Variants in PDGFB observed in about 807,000 individuals in gnomAD.
PDGFB encodes platelet-derived growth factor subunit B.
PDGFB carries 6 observed loss-of-function variants against 29.0 expected under a neutral mutation model. The ratio of observed to expected loss-of-function variants is 0.21; its 90% CI spans 0.11 to 0.41. The LOEUF (loss-of-function observed/expected upper bound fraction) is 0.41. PDGFB is among the 10% of genes least tolerant of loss of function. The pLI is 1.00. For synonymous variants in PDGFB, 144 were observed against 140.8 expected (o/e 1.02, Z -0.16); for missense variants, 299 against 341.8 (o/e 0.87, Z 0.99).
Position 39,244,805 on chromosome 22 carries a change from T to G in PDGFB, c.-842A>C, listed in dbSNP as rs1017955067. ...GCAGCGAGGCTGGAGGGTGGGCTTT[T>G]TTTTTTTTTTTTCCTTTTTGCGCGC... On this transcript the variant is annotated 5_prime_UTR_variant, in exon 1 of 7. Coordinates refer to ENST00000331163, the MANE Select transcript of PDGFB (RefSeq NM_002608.4). The surrounding 1 kb of genome is among the most constrained non-coding windows in gnomAD (Gnocchi z 4.5). 81 of 188,406 alleles carry G rather than the reference T, an allele frequency of 4.3e-4. No homozygotes were observed. The highest frequency in any genetic ancestry group is 1.8e-3 in the African/African-American group (75 of 42,536). The allele number at this position is 188,406 out of a possible 1,614,324, so 11.7% of individuals were successfully genotyped here.
Position 39,231,038 on chromosome 22 carries a change from A to T in PDGFB, c.456+584T>A, listed in dbSNP as rs1002730788. ...TGTATCCCCCGTCCCTCCGAAGAAA[A>T]GCAGGATCAGCATTCCACTGTTGTC... On this transcript the variant is annotated intron_variant, in intron 4 of 6. Transcript: ENST00000331163. The surrounding 1 kb of genome is among the most constrained non-coding windows in gnomAD (Gnocchi z 4.3). Among the ~76,000 whole-genome samples, 1 of 152,212 alleles carries T rather than the reference A, an allele frequency of 6.6e-6. No homozygotes were observed. Among genetic ancestry groups the T allele is most frequent in the African/African-American group, 2.4e-5 (1 of 41,456 alleles).
Position 39,242,503 on chromosome 22 carries a change from A to T in PDGFB, c.63+1398T>A, listed in dbSNP as rs938849865. 6.7e-6 allele frequency among the ~76,000 whole-genome samples: 1 copy of T among 149,362 alleles called. No individual in the cohort carries two copies. The highest frequency in any genetic ancestry group is 1.5e-5 in the Non-Finnish European group (1 of 67,138). On this transcript the variant is annotated intron_variant, in intron 1 of 6. Transcript: ENST00000331163. This position sits in a 1 kb window ranked among gnomAD's most constrained non-coding sequence, Gnocchi z 5.7. ...GGAGAGGCGGAGAGGGGGCGTCGGGAGGGGCCTGAAGGCGGCCCGGCCGAG... is the reference window on the plus strand; with the variant it reads ...GGAGAGGCGGAGAGGGGGCGTCGGGTGGGGCCTGAAGGCGGCCCGGCCGAG...
Position 39,242,790 on chromosome 22 carries a change from C to G in PDGFB, c.63+1111G>C, listed in dbSNP as rs1420357901. On this transcript the variant is annotated intron_variant, in intron 1 of 6. Transcript: ENST00000331163. This position sits in a 1 kb window ranked among gnomAD's most constrained non-coding sequence, Gnocchi z 5.7. The stretch of plus-strand genomic sequence containing the variant: ...GCAGGGGCCGACCCTCCCCGGGAGC[C>G]GGCGAGGTGCGGGCGAGGTGCGGAC... The G allele has an allele frequency of 4.3e-6, 1 of 230,908 alleles. No individual in the cohort carries two copies. The highest frequency in any genetic ancestry group is 1.8e-4 in the South Asian group (1 of 5,500). The allele number at this position is 230,908 out of a possible 1,614,324, so 14.3% of individuals were successfully genotyped here. A position where few individuals can be genotyped will look rare whatever the true frequency, so the allele number is the denominator to read the frequency against.
At chr22:39,234,555 G>A (rs755006108) in intron 2 of PDGFB, among the ~76,000 whole-genome samples, 5 of 152,196 alleles carry the variant, frequency 3.3e-5, no homozygotes, top group African/African-American at 7.2e-5. Context: ...CCGCCTGTCC[G>A]TCCCGGGTAC....
In PDGFB at chr22:39,231,564, A is replaced by C; in HGVS notation, c.456+58T>G. ...AAGCCTGGTCAGGTATGAGCCCCAG[A>C]AGGGTGGTCTCCACCCACCACCGGG... On this transcript the variant is annotated intron_variant, in intron 4 of 6. Coordinates refer to ENST00000331163, the MANE Select transcript of PDGFB (RefSeq NM_002608.4). This position sits in a 1 kb window ranked among gnomAD's most constrained non-coding sequence, Gnocchi z 4.3. 7.9e-7 allele frequency: 1 copy of C among 1,270,464 alleles called. No homozygotes were observed. The highest frequency in any genetic ancestry group is 1.1e-6 in the Non-Finnish European group (1 of 921,694). 78.7% of individuals were successfully genotyped at this position (1,270,464 alleles called of 1,614,324 possible). A position where few individuals can be genotyped will look rare whatever the true frequency, so the allele number is the denominator to read the frequency against.
chr22:39,243,298 CT>C lies in PDGFB; in HGVS notation c.63+602del, dbSNP rs1932617140. Among the ~76,000 whole-genome samples the C allele has an allele frequency of 6.6e-6, 1 of 151,810 alleles. No individual in the cohort carries two copies. Among genetic ancestry groups the C allele is most frequent in the African/African-American group, 2.4e-5 (1 of 41,196 alleles). The stretch of plus-strand genomic sequence containing the variant: ...TTTCTCTCTCTCTCTCTCTCTCTCC[CT>C]GTTACTCCCACCCCAAACCCCGCGC... On this transcript the variant is annotated intron_variant, in intron 1 of 6. Coordinates refer to ENST00000331163, the MANE Select transcript of PDGFB (RefSeq NM_002608.4). This position sits in a 1 kb window ranked among gnomAD's most constrained non-coding sequence, Gnocchi z 6.4.
intron 5 of PDGFB, 100 bp downstream of exon 5, chr22:39,229,984 C>T (rs191717964): frequency 1.1e-4 from 145 of 1,348,880 alleles, no homozygotes; most frequent in Middle Eastern, 2.6e-4. Flanking sequence ...TGAATTTAAC[C>T]GGGGGCGGGC....
intron 5 of PDGFB, among the ~76,000 whole-genome samples, chr22:39,229,489 C>G (rs1161001631): frequency 6.6e-6 from 1 of 152,184 alleles, no homozygotes; most frequent in African/African-American, 2.4e-5. Context: ...TCCTGGTTCC[C>G]CCGCTCAAGG....
chr22:39,234,812 G>A (rs1483787658), intron 2 of PDGFB, among the ~76,000 whole-genome samples: 2 of 152,244 alleles, frequency 1.3e-5, no homozygotes, highest in East Asian at 3.8e-4. Flanking sequence ...CCCCACCAGG[G>A]GTGTGGAGGG....
At chr22:39,232,365 T>C (rs1569136324) in intron 3 of PDGFB, among the ~76,000 whole-genome samples, 1 of 152,138 alleles carries the variant, frequency 6.6e-6, no homozygotes, top group Non-Finnish European at 1.5e-5. Context: ...GTAAAGTGAG[T>C]AAGCCTTGCC....
intron 6 of PDGFB, among the ~76,000 whole-genome samples, 168 bp from the exon 7 acceptor site, chr22:39,225,481 A>G (rs1333877471): frequency 6.6e-6 from 1 of 151,954 alleles, no homozygotes; most frequent in Admixed American, 6.5e-5. Context: ...ATTGAGATTT[A>G]GACCTCCCAT....
chr22:39,237,437 G>A (rs1343867275), intron 1 of PDGFB, among the ~76,000 whole-genome samples: 1 of 152,174 alleles, frequency 6.6e-6, no homozygotes, highest in African/African-American at 2.4e-5. Context: ...AAGGTGGCAG[G>A]GCTTGGCTGA....
In PDGFB at chr22:39,231,807, G is replaced by C; in HGVS notation, c.271C>G (p.Pro91Ala). ...RSLGSLTIAE[P>A]AMIAECKTRT... ...GTCTTGCACTCGGCGATCATGGCCG[G>C]CTCAGCAATGGTCAGGGAACCTGGG... The change falls in exon 4 of 7, where the codon CCG (proline) becomes GCG (alanine). Residue 91 changes from proline (P) to alanine (A), a missense_variant. Pro to Ala is a conservative substitution (Grantham distance 27). Transcript: ENST00000331163. This position sits in a 1 kb window ranked among gnomAD's most constrained non-coding sequence, Gnocchi z 4.3. 1 of 1,613,236 alleles carries C rather than the reference G, an allele frequency of 6.2e-7. No homozygotes were observed. The highest frequency in any genetic ancestry group is 8.5e-7 in the Non-Finnish European group (1 of 1,179,892).
chr22:39,237,119 GGAGGGGGAGC>G (rs1932464030), intron 1 of PDGFB, among the ~76,000 whole-genome samples: 1 of 152,098 alleles, frequency 6.6e-6, no homozygotes, highest in South Asian at 2.1e-4. Flanking sequence ...GCCTGACGGC[GGAGGGGGAGC>G]GAGGGAGAGG....
chr22:39,237,414 A>G (rs1290918954), intron 1 of PDGFB, among the ~76,000 whole-genome samples: 1 of 152,162 alleles, frequency 6.6e-6, no homozygotes, highest in Admixed American at 6.5e-5. Flanking sequence ...CTGCTGGGCA[A>G]CTTGAGGAAA....
At chr22:39,235,741 T>G (rs767275965) in intron 2 of PDGFB, 37 bp downstream of exon 2, 1 of 1,480,798 alleles carries the variant, frequency 6.8e-7, no homozygotes, top group Non-Finnish European at 9.4e-7. Flanking sequence ...TAAAGTCTCC[T>G]CGGAGGGCCG....
In PDGFB at chr22:39,225,721, C is replaced by T; in HGVS notation, c.*2G>A. 6.2e-7 allele frequency: 1 copy of T among 1,613,562 alleles called. No homozygotes were observed. On this transcript the variant is annotated 3_prime_UTR_variant, in exon 6 of 7. Coordinates refer to ENST00000331163, the MANE Select transcript of PDGFB (RefSeq NM_002608.4). ...TGCCCACACACTCTCCTGCCGATGC[C>T]CCTAGGCTCCAAGGGTCTCCTTCAG...
chr22:39,240,888 C>G (rs765847395), intron 1 of PDGFB: 5 of 1,611,534 alleles, frequency 3.1e-6, no homozygotes, highest in Non-Finnish European at 3.4e-6. Context: ...CATTCCTGCT[C>G]AGTCAGTCTC....
chr22:39,240,753 G>T, intron 1 of PDGFB: 1 of 1,354,624 alleles, frequency 7.4e-7, no homozygotes, highest in Non-Finnish European at 1.1e-6. Flanking sequence ...AGTAGAGAAA[G>T]CAGGTAATAA....
Sources: allele counts gnomAD v4.1 joint callset (sites outside exome capture counted in the v4.1 genomes callset), GRCh38; gene constraint gnomAD v4.1.1; non-coding constraint Gnocchi (gnomAD v3.1); transcripts MANE v1.5; gene names NCBI Gene and HGNC (gene_info 2026-07-23, HGNC 2026-07-21).